GRID1: variants seen among roughly 807,000 people sequenced by gnomAD.
GRID1 encodes glutamate ionotropic receptor delta type subunit 1, also known as glutamate receptor ionotropic, delta-1.
Under a neutral mutation model 98.0 loss-of-function variants are expected in GRID1, and 28 were observed. That is an observed-to-expected ratio of 0.29 (90% CI 0.21 to 0.39). The LOEUF (loss-of-function observed/expected upper bound fraction) is 0.39, where lower values mean the gene tolerates loss of function less well. GRID1 is among the 10% of genes least tolerant of loss of function. GRID1 has a pLI of 1.00. For missense variants in GRID1, 1,111 were observed against 1,340.5 expected (o/e 0.83, Z 2.67); for synonymous variants, 553 against 538.5 (o/e 1.03, Z -0.37).
intron 5 of GRID1, among the ~76,000 whole-genome samples, chr10:85,878,997 A>G (rs1238312267): frequency 1.3e-5 from 2 of 151,540 alleles, no homozygotes; most frequent in African/African-American, 2.4e-5. Flanking sequence ...CAGACTTTAA[A>G]CCAACAAAGA....
At chr10:85,697,746 G>A (rs1465685519) in intron 12 of GRID1, among the ~76,000 whole-genome samples, 1 of 152,200 alleles carries the variant, frequency 6.6e-6, no homozygotes, top group African/African-American at 2.4e-5. Context: ...GTTAGATGCA[G>A]CCAATCACTT....
intron 8 of GRID1, among the ~76,000 whole-genome samples, chr10:85,837,993 A>T (rs1412161219): frequency 6.6e-6 from 1 of 152,234 alleles, no homozygotes; most frequent in Non-Finnish European, 1.5e-5. Context: ...AGCTGAAAAA[A>T]CACTACAAGA....
intron 2 of GRID1, among the ~76,000 whole-genome samples, chr10:86,355,520 C>T (rs962053323): frequency 6.6e-5 from 10 of 152,186 alleles, no homozygotes; most frequent in Admixed American, 5.9e-4. Context: ...CCCCAGCTAA[C>T]ACCCCCCACC....
chr10:85,879,314 A>G (rs1460470278), intron 5 of GRID1, among the ~76,000 whole-genome samples: 1 of 152,208 alleles, frequency 6.6e-6, no homozygotes, highest in Non-Finnish European at 1.5e-5. Flanking sequence ...TCAACAGAAT[A>G]TACATTCTTT....
At chr10:85,714,025 A>C (rs1334346223) in intron 12 of GRID1, among the ~76,000 whole-genome samples, 1 of 151,910 alleles carries the variant, frequency 6.6e-6, no homozygotes, top group African/African-American at 2.4e-5. Flanking sequence ...CAAAGAAATA[A>C]AAGATAAAGA....
intron 4 of GRID1, among the ~76,000 whole-genome samples, chr10:86,066,042 C>T (rs1843715224): frequency 6.6e-6 from 1 of 152,188 alleles, no homozygotes; most frequent in African/African-American, 2.4e-5. Context: ...TGAGTAGTCA[C>T]TTAGCTGACA....
intron 6 of GRID1, among the ~76,000 whole-genome samples, chr10:85,860,991 C>T (rs1383975872): frequency 6.6e-6 from 1 of 152,172 alleles, no homozygotes; most frequent in Non-Finnish European, 1.5e-5. Flanking sequence ...CATGCATCTT[C>T]ATCTTTAGAG....
chr10:86,304,067 T>G (rs1847726379), intron 2 of GRID1, among the ~76,000 whole-genome samples: 1 of 152,202 alleles, frequency 6.6e-6, no homozygotes, highest in South Asian at 2.1e-4. Context: ...ACCCTGGTAG[T>G]GACTCTCTCT....
chr10:85,676,626 C>A (rs536783376), intron 12 of GRID1, among the ~76,000 whole-genome samples: 1 of 152,266 alleles, frequency 6.6e-6, no homozygotes, highest in East Asian at 1.9e-4. Context: ...ATGAGCCTGC[C>A]CTAGCCCTAG....
intron 4 of GRID1, among the ~76,000 whole-genome samples, chr10:86,131,401 C>T (rs1844835364): frequency 6.6e-6 from 1 of 152,144 alleles, no homozygotes; most frequent in Non-Finnish European, 1.5e-5. Flanking sequence ...GCCTCCTTGG[C>T]CAAAGGGGCT....
chr10:85,735,572 T>C (rs1347419121), intron 8 of GRID1, among the ~76,000 whole-genome samples: 1 of 152,120 alleles, frequency 6.6e-6, no homozygotes, highest in Non-Finnish European at 1.5e-5. Context: ...CTGTCCTTAA[T>C]AAATGCAGGG....
chr10:85,894,661 A>T (rs1841258785), intron 5 of GRID1, among the ~76,000 whole-genome samples: 1 of 152,158 alleles, frequency 6.6e-6, no homozygotes, highest in Non-Finnish European at 1.5e-5. Flanking sequence ...AAATAACAGC[A>T]GTGTAGGCAT....
intron 12 of GRID1, among the ~76,000 whole-genome samples, chr10:85,696,412 G>C (rs981852208): frequency 6.6e-6 from 1 of 151,976 alleles, no homozygotes; most frequent in African/African-American, 2.4e-5. Context: ...AAAAAGCAGA[G>C]AGAAAGGTGC....
At chr10:86,010,230 T>C (rs764943287) in intron 4 of GRID1, among the ~76,000 whole-genome samples, 1 of 152,244 alleles carries the variant, frequency 6.6e-6, no homozygotes, top group Non-Finnish European at 1.5e-5. Context: ...TTACAATGGC[T>C]ATCATGATGT....
Position 85,854,554 on chromosome 10 carries a change from A to G in GRID1, c.1175T>C (p.Val392Ala). The G allele has an allele frequency of 6.2e-7, 1 of 1,613,636 alleles. No homozygotes were observed. Among genetic ancestry groups the G allele is most frequent in the South Asian group, 1.1e-5 (1 of 91,072 alleles). ...EFREDSSNPY[V>A]QFEILGTTYS... ...GGTAGTGCCAAGGATTTCAAACTGG[A>G]CATAGGGATTCGAACTGTCCTCCCG... The change falls in exon 8 of 16, where the codon GTC becomes GCC. Residue 392 changes from valine (V) to alanine (A), a missense_variant. This residue lies in a region of GRID1 where 762 missense variants were observed against 869.1 expected (regional missense o/e 0.88). Coordinates refer to ENST00000327946, the MANE Select transcript of GRID1 (RefSeq NM_017551.3).
intron 13 of GRID1, among the ~76,000 whole-genome samples, chr10:85,633,704 T>C (rs976049993): frequency 1.3e-5 from 2 of 152,228 alleles, no homozygotes; most frequent in African/African-American, 4.8e-5. Context: ...TTTATAGCCT[T>C]TGCTAAAATG....
intron 12 of GRID1, among the ~76,000 whole-genome samples, chr10:85,654,381 A>G (rs1840869911): frequency 6.6e-6 from 1 of 152,266 alleles, no homozygotes; most frequent in African/African-American, 2.4e-5. Flanking sequence ...AGGGATAAGC[A>G]GTGAATGCCT....
chr10:85,948,336 G>A (rs996379902), intron 4 of GRID1, among the ~76,000 whole-genome samples: 6 of 152,204 alleles, frequency 3.9e-5, no homozygotes, highest in African/African-American at 1.4e-4. Flanking sequence ...CCAAGGAAGA[G>A]GAAGATGAGG....
intron 4 of GRID1, among the ~76,000 whole-genome samples, chr10:86,068,430 C>T (rs550673319): frequency 2.0e-5 from 3 of 152,296 alleles, no homozygotes; most frequent in East Asian, 3.9e-4. Flanking sequence ...CCATTCTGTG[C>T]GTTCCTCGCC....
Sources: gnomAD v4.1 joint callset for allele counts (sites outside exome capture counted in the v4.1 genomes callset) on GRCh38, gnomAD v4.1.1 for gene constraint, gnomAD v4.1.1 regional missense constraint, MANE v1.5 for transcripts, NCBI Gene and HGNC (gene_info 2026-07-23, HGNC 2026-07-21) for gene names.